The following SIGLEC15 variants were observed in gnomAD, a reference collection of about 807,000 sequenced individuals.
SIGLEC15 encodes sialic acid binding Ig like lectin 15, also known as sialic acid-binding Ig-like lectin 15.
SIGLEC15 carries 31 observed loss-of-function variants against 26.2 expected under a neutral mutation model. That is an observed-to-expected ratio of 1.18 (90% confidence interval 0.89 to 1.60). The LOEUF is 1.60. Among genes scored for constraint, SIGLEC15 ranks in the 40% most tolerant of loss-of-function variants. The pLI is 0.00. For missense variants in SIGLEC15, 501 were observed against 488.4 expected, an observed-to-expected ratio of 1.03 and a Z score of -0.24; for synonymous variants, 207 against 221.9, an observed-to-expected ratio of 0.93 and a Z score of 0.60.
intron 1 of SIGLEC15, among the ~76,000 whole-genome samples, chr18:45,834,594 C>G (rs530567199): frequency 1.2e-4 from 19 of 152,314 alleles, no homozygotes; most frequent in Admixed American, 9.2e-4. Context: ...CCCATCTTTA[C>G]GGCATCTGGC....
chr18:45,831,863 G>C (rs2048238194), intron 1 of SIGLEC15, among the ~76,000 whole-genome samples: 1 of 151,922 alleles, frequency 6.6e-6, no homozygotes, highest in African/African-American at 2.4e-5. Context: ...TCAGCCTCCT[G>C]AGTGGCTGGG....
chr18:45,837,434 G>C, intron 2 of SIGLEC15, 79 bp from the exon 3 acceptor site: 1 of 1,404,772 alleles, frequency 7.1e-7, no homozygotes, highest in African/African-American at 1.5e-5. Flanking sequence ...CGTTTCCTGG[G>C]TCGTGGGGTT....
At chr18:45,828,683 C>A (rs1283011111) in intron 1 of SIGLEC15, among the ~76,000 whole-genome samples, 1 of 152,226 alleles carries the variant, frequency 6.6e-6, no homozygotes, top group African/African-American at 2.4e-5. Context: ...GGGCATCCAG[C>A]CTAAATGGGA....
intron 1 of SIGLEC15, among the ~76,000 whole-genome samples, chr18:45,836,556 T>A (rs953290853): frequency 6.6e-6 from 1 of 152,204 alleles, no homozygotes; most frequent in African/African-American, 2.4e-5. Flanking sequence ...CTCTGTGAGC[T>A]GGAGGCAGAG....
At chr18:45,839,953 T>C (rs1490296773) in intron 4 of SIGLEC15, among the ~76,000 whole-genome samples, 4 of 152,250 alleles carry the variant, frequency 2.6e-5, no homozygotes, top group South Asian at 2.1e-4. Flanking sequence ...GCCCGTTTCT[T>C]GGAACTCATC....
At position 45,828,273 on chromosome 18, in the gene SIGLEC15, T is replaced by A. The variant is rs1366585272; in HGVS notation, c.52+2493T>A. 2.6e-5 allele frequency among the ~76,000 whole-genome samples: 4 copies of A among 152,272 alleles called. No homozygotes were observed. In the East Asian group the frequency reaches 7.7e-4, roughly 29 times the overall value. On this transcript the variant is annotated intron_variant, in intron 1 of 5. Coordinates refer to ENST00000389474, the MANE Select transcript of SIGLEC15 (RefSeq NM_213602.3). The stretch of plus-strand genomic sequence containing the variant: ...GTGAGAGAAAAGTGGGAAGCATTTG[T>A]CCCAGAAAGGCCCCTTCTACTTTCC...
At chr18:45,836,005 G>A (rs568806) in intron 1 of SIGLEC15, among the ~76,000 whole-genome samples, 7,558 of 152,246 alleles carry the variant, frequency 0.05, 340 homozygotes, top group African/African-American at 0.12. Flanking sequence ...GAACAATGGC[G>A]GTCCTGTGGG....
At position 45,837,615 on chromosome 18, in the gene SIGLEC15, A is replaced by T. The variant is rs2048286260; in HGVS notation, c.215A>T (p.His72Leu). The part of the protein sequence containing the change: ...LPCTFTHPHR[H>L]YDGPLTAIWR... ...TGCACCTTCACGCACCCGCACCGCC[A>T]CTACGACGGGCCGCTGACGGCCATC... The change falls in exon 3 of 6, where the codon CAC (histidine) becomes CTC (leucine). Residue 72 changes from histidine to leucine, a missense_variant. Physicochemically the swap from His to Leu is moderately conservative, Grantham distance 99 (BLOSUM62 -3). Transcript: ENST00000389474. The T allele has an allele frequency of 6.6e-7, 1 of 1,509,244 alleles. No homozygotes were observed. Among genetic ancestry groups the T allele is most frequent in the Non-Finnish European group, 8.8e-7 (1 of 1,136,606 alleles). 93.5% of individuals were successfully genotyped at this position (1,509,244 alleles called of 1,614,324 possible). A position where few individuals can be genotyped will look rare whatever the true frequency, so the allele number is the denominator to read the frequency against.
intron 1 of SIGLEC15, among the ~76,000 whole-genome samples, chr18:45,835,315 G>A (rs1297420513): frequency 6.6e-6 from 1 of 152,186 alleles, no homozygotes; most frequent in African/African-American, 2.4e-5. Flanking sequence ...GTGCACTAGA[G>A]AGAAAAAGTA....
At chr18:45,834,352 T>C (rs1164948635) in intron 1 of SIGLEC15, among the ~76,000 whole-genome samples, 1 of 152,210 alleles carries the variant, frequency 6.6e-6, no homozygotes, top group Non-Finnish European at 1.5e-5. Context: ...GTCCCTGCCC[T>C]GCCAGAGCTT....
Position 45,833,926 on chromosome 18 carries a change from C to A in SIGLEC15, c.53-3103C>A, listed in dbSNP as rs913879140. Among the ~76,000 whole-genome samples, 7 of 151,218 alleles carry A rather than the reference C, an allele frequency of 4.6e-5. No individual in the cohort carries two copies. The East Asian group carries it at 1.2e-3, about 25-fold the overall frequency. ...TAAGTAAAGGAAATATGGAAAAAAA[C>A]CCATGAATCCATGGCAACATGACAC... On this transcript the variant is annotated intron_variant, in intron 1 of 5. Transcript: ENST00000389474.
In SIGLEC15 at chr18:45,837,696, G is replaced by A. The variant is rs533118109; in HGVS notation, c.296G>A (p.Arg99Gln). 2.0e-6 allele frequency: 3 copies of A among 1,476,046 alleles called. No individual in the cohort carries two copies. Among genetic ancestry groups the A allele is most frequent in the East Asian group, 2.8e-5 (1 of 35,128 alleles). The allele number at this position is 1,476,046 out of a possible 1,614,324, so 91.4% of individuals were successfully genotyped here. A position where few individuals can be genotyped will look rare whatever the true frequency, so the allele number is the denominator to read the frequency against. Residue 99 changes from arginine (R) to glutamine (Q), a missense_variant, in exon 3 of 6, where the codon CGG becomes CAG. Physicochemically the swap from Arg to Gln is conservative, Grantham distance 43 (BLOSUM62 1). Transcript: ENST00000389474. ...GPQVFRCAAA[R>Q]GSELCQTALS... ...CAGGTGTTCCGCTGCGCTGCGGCGC[G>A]GGGCAGCGAGCTCTGCCAGACGGCG...
At chr18:45,829,075 G>C in intron 1 of SIGLEC15, 1 of 985,766 alleles carries the variant, frequency 1.0e-6, no homozygotes, top group Non-Finnish European at 1.2e-6. Context: ...CAGGGGGTGG[G>C]GGCACCAGCA....
At chr18:45,842,075 G>A in intron 5 of SIGLEC15, 31 bp from the exon 6 acceptor site, 2 of 1,607,898 alleles carry the variant, frequency 1.2e-6, no homozygotes. Flanking sequence ...CCACCTGTTT[G>A]GATGATCATT....
At chr18:45,836,692 G>A (rs1246950754) in intron 1 of SIGLEC15, among the ~76,000 whole-genome samples, 1 of 152,224 alleles carries the variant, frequency 6.6e-6, no homozygotes, top group Non-Finnish European at 1.5e-5. Flanking sequence ...TGGTCTCTCA[G>A]CTCCCTCCCT....
intron 1 of SIGLEC15, among the ~76,000 whole-genome samples, chr18:45,827,212 G>A (rs189405234): frequency 7.4e-4 from 112 of 152,242 alleles, no homozygotes; most frequent in African/African-American, 2.4e-3. Context: ...CACCATGCCC[G>A]GCAGAGAAAG....
chr18:45,840,362 C>G, intron 5 of SIGLEC15, 121 bp downstream of exon 5: 1 of 1,168,440 alleles, frequency 8.6e-7, no homozygotes, highest in Non-Finnish European at 1.2e-6. Context: ...CTACTTTGAC[C>G]AGGGGCTGGG....
rs1413648671 is a variant in SIGLEC15, at chr18:45,837,848, G to C, written c.448G>C (p.Val150Leu). 2.6e-6 allele frequency: 4 copies of C among 1,538,748 alleles called. No individual in the cohort carries two copies. The highest frequency in any genetic ancestry group is 3.5e-6 in the Non-Finnish European group (4 of 1,153,240). The part of the protein sequence containing the change: ...YFCRVEFAGD[V>L]HDRYESRHGV... The stretch of plus-strand genomic sequence containing the variant: ...CTGCCGCGTCGAGTTCGCCGGCGAC[G>C]TCCATGACCGCTACGAGAGCCGCCA... Residue 150 changes from valine to leucine, a missense_variant, in exon 3 of 6, where the codon GTC (valine) becomes CTC (leucine). By Grantham distance (32) the Val-to-Leu change is conservative. Coordinates refer to ENST00000389474, the MANE Select transcript of SIGLEC15 (RefSeq NM_213602.3).
At chr18:45,826,337 G>A (rs574262160) in intron 1 of SIGLEC15, among the ~76,000 whole-genome samples, 37 of 152,218 alleles carry the variant, frequency 2.4e-4, no homozygotes, top group East Asian at 1.5e-3. Context: ...CACTTAGCTC[G>A]GTGACTTGGT....
Sources: gnomAD v4.1 joint callset for allele counts (sites outside exome capture counted in the v4.1 genomes callset) on GRCh38, gnomAD v4.1.1 for gene constraint, MANE v1.5 for transcripts, NCBI Gene and HGNC (gene_info 2026-07-23, HGNC 2026-07-21) for gene names.